NOS1AP: variants seen among roughly 807,000 people sequenced by gnomAD.
The protein encoded by NOS1AP is nitric oxide synthase 1 adaptor protein, also known as carboxyl-terminal PDZ ligand of neuronal nitric oxide synthase protein.
NOS1AP carries 21 observed loss-of-function variants against 56.2 expected under a neutral mutation model. The observed-to-expected ratio is 0.37, with a 90% CI of 0.26 to 0.54. The LOEUF (loss-of-function observed/expected upper bound fraction) is 0.54. Ranked by LOEUF, NOS1AP falls within the 20% of genes least tolerant of loss-of-function variation. NOS1AP has a pLI of 0.84. For synonymous variants in NOS1AP, 270 were observed against 274.6 expected (o/e 0.98, Z 0.17); for missense variants, 522 against 657.8 (o/e 0.79, Z 2.26).
At chr1:162,344,493 C>T (rs1366499466) in intron 6 of NOS1AP, among the ~76,000 whole-genome samples, 7 of 151,896 alleles carry the variant, frequency 4.6e-5, no homozygotes, top group Admixed American at 3.3e-4. Context: ...CCCAGGAGTT[C>T]AAGACTAGCC....
chr1:162,078,938 A>G (rs1691830626), intron 1 of NOS1AP, among the ~76,000 whole-genome samples: 1 of 152,120 alleles, frequency 6.6e-6, no homozygotes, highest in African/African-American at 2.4e-5. Context: ...GTCAGGGTCC[A>G]TGTCACTCTG....
chr1:162,321,184 G>T (rs7543980), intron 4 of NOS1AP, among the ~76,000 whole-genome samples: 2,111 of 152,296 alleles, frequency 0.014, 38 homozygotes, highest in African/African-American at 0.048. Flanking sequence ...TTGTTGAGTA[G>T]GGAATCCTTT....
intron 2 of NOS1AP, among the ~76,000 whole-genome samples, chr1:162,220,735 G>A (rs933277441): frequency 5.3e-5 from 8 of 151,886 alleles, no homozygotes; most frequent in Non-Finnish European, 4.4e-5. Flanking sequence ...TTTCTCCATG[G>A]CCTCATCCCA....
At chr1:162,070,531 C>G (rs1399834869) in intron 1 of NOS1AP, among the ~76,000 whole-genome samples, 2 of 152,208 alleles carry the variant, frequency 1.3e-5, no homozygotes, top group Admixed American at 6.5e-5. Context: ...GCAGACTCCC[C>G]CATCCTTACC....
intron 2 of NOS1AP, among the ~76,000 whole-genome samples, chr1:162,167,249 C>T (rs1440115619): frequency 4.6e-5 from 7 of 152,220 alleles, no homozygotes; most frequent in Admixed American, 3.9e-4. Context: ...TTACCTGTCT[C>T]CTTAACCACT....
At chr1:162,239,010 A>G (rs1382150053) in intron 2 of NOS1AP, among the ~76,000 whole-genome samples, 1 of 152,250 alleles carries the variant, frequency 6.6e-6, no homozygotes, top group East Asian at 1.9e-4. Context: ...AAGACCTCCA[A>G]TCTACATTAC....
intron 1 of NOS1AP, among the ~76,000 whole-genome samples, chr1:162,081,774 ATTTTTTT>A (rs59767273): frequency 2.3e-5 from 1 of 44,060 alleles, no homozygotes; most frequent in African/African-American, 7.7e-5. Context: ...ATATATATAT[ATTTTTTT>A]TTTGTAGAGA....
chr1:162,264,948 G>A (rs1364601637), intron 2 of NOS1AP, among the ~76,000 whole-genome samples: 2 of 151,938 alleles, frequency 1.3e-5, no homozygotes, highest in Non-Finnish European at 2.9e-5. Flanking sequence ...CGAGTAGCTG[G>A]GATTACAGGC....
intron 1 of NOS1AP, among the ~76,000 whole-genome samples, chr1:162,110,265 C>A (rs1391833549): frequency 7.6e-6 from 1 of 132,112 alleles, no homozygotes. Context: ...TATATGTAGA[C>A]CACTGTGCCT....
intron 2 of NOS1AP, among the ~76,000 whole-genome samples, chr1:162,155,371 T>TAG (rs1195517161): frequency 1.0e-4 from 14 of 136,458 alleles, no homozygotes; most frequent in African/African-American, 2.4e-4. Flanking sequence ...TATATATATA[T>TAG]AGAGAGAGAG....
At chr1:162,257,701 A>ACACTGTCAAAGG (rs1571166831) in intron 2 of NOS1AP, among the ~76,000 whole-genome samples, 1 of 151,424 alleles carries the variant, frequency 6.6e-6, no homozygotes, top group African/African-American at 2.4e-5. Flanking sequence ...ACACATGTAA[A>ACACTGTCAAAGG]CACTGTCAAA....
chr1:162,170,652 C>T (rs1381290470), intron 2 of NOS1AP, among the ~76,000 whole-genome samples: 1 of 152,096 alleles, frequency 6.6e-6, no homozygotes, highest in East Asian at 1.9e-4. Flanking sequence ...ACAGGCCAGG[C>T]GCGGTGGCTC....
chr1:162,195,923 T>C (rs1319610374), intron 2 of NOS1AP, among the ~76,000 whole-genome samples: 1 of 152,234 alleles, frequency 6.6e-6, no homozygotes, highest in East Asian at 1.9e-4. Flanking sequence ...TTATATGTCA[T>C]GGTCTGGGGC....
At chr1:162,252,702 G>T (rs568019851) in intron 2 of NOS1AP, among the ~76,000 whole-genome samples, 6 of 152,098 alleles carry the variant, frequency 3.9e-5, no homozygotes, top group Non-Finnish European at 7.4e-5. Context: ...TCACATATGT[G>T]CATGGACCAT....
At chr1:162,298,460 C>T (rs2101751323) in intron 3 of NOS1AP, among the ~76,000 whole-genome samples, 1 of 152,288 alleles carries the variant, frequency 6.6e-6, no homozygotes, top group Admixed American at 6.5e-5. Context: ...ACCTAGAACT[C>T]CCACCCACAC....
At chr1:162,178,967 T>C (rs1651161209) in intron 2 of NOS1AP, among the ~76,000 whole-genome samples, 1 of 152,160 alleles carries the variant, frequency 6.6e-6, no homozygotes, top group Non-Finnish European at 1.5e-5. Context: ...TCTTGCTTTA[T>C]TTGTTTGTGG....
At chr1:162,354,799 G>A (rs1259920146) in intron 6 of NOS1AP, among the ~76,000 whole-genome samples, 5 of 152,202 alleles carry the variant, frequency 3.3e-5, no homozygotes, top group African/African-American at 1.2e-4. Flanking sequence ...GTTTATTGGA[G>A]GCCCAACCTC....
intron 2 of NOS1AP, among the ~76,000 whole-genome samples, chr1:162,190,081 G>C (rs1651570150): frequency 6.6e-6 from 1 of 152,222 alleles, no homozygotes; most frequent in Non-Finnish European, 1.5e-5. Flanking sequence ...CCAGGCCTGT[G>C]AATTGATGCC....
chr1:162,336,144 A>G (rs1656933522), intron 5 of NOS1AP, among the ~76,000 whole-genome samples: 1 of 152,226 alleles, frequency 6.6e-6, no homozygotes, highest in African/African-American at 2.4e-5. Context: ...ATCAGATAAT[A>G]ATATCTAACC....
Sources: allele counts gnomAD v4.1 joint callset (sites outside exome capture counted in the v4.1 genomes callset), GRCh38; gene constraint gnomAD v4.1.1; transcripts MANE v1.5; gene names NCBI Gene and HGNC (gene_info 2026-07-23, HGNC 2026-07-21).